Variants in MAML3 observed in about 807,000 individuals in gnomAD.
MAML3 encodes mastermind-like protein 3.
MAML3 carries 27 observed loss-of-function variants against 101.9 expected under a neutral mutation model. That is an observed-to-expected ratio of 0.27 (90% CI 0.20 to 0.37). MAML3 has a LOEUF of 0.37. Among genes scored for constraint, MAML3 ranks in the 10% least tolerant of loss-of-function variants. MAML3 has a pLI of 1.00. For missense variants in MAML3, 1,316 were observed against 1,444.9 expected (o/e 0.91, Z 1.45); for synonymous variants, 501 against 555.9 (o/e 0.90, Z 1.39).
chr4:139,903,863 T>G (rs1732771050), intron 1 of MAML3, among the ~76,000 whole-genome samples: 1 of 152,106 alleles, frequency 6.6e-6, no homozygotes, highest in Admixed American at 6.5e-5. Flanking sequence ...TGAACGGCCA[T>G]TACTCATTAG....
At chr4:140,023,940 G>C (rs1010762820) in intron 1 of MAML3, among the ~76,000 whole-genome samples, 2 of 152,162 alleles carry the variant, frequency 1.3e-5, no homozygotes, top group African/African-American at 4.8e-5. Flanking sequence ...AGTGTGGAAA[G>C]TACTACCTCT....
chr4:139,997,881 T>A (rs6536630), intron 1 of MAML3, among the ~76,000 whole-genome samples: 65,601 of 151,890 alleles, frequency 0.43, 15,556 homozygotes, highest in Non-Finnish European at 0.55. Flanking sequence ...TTCTTTTTTT[T>A]AAAAATGAGA....
chr4:139,815,522 T>A (rs1730878115), intron 2 of MAML3, among the ~76,000 whole-genome samples: 1 of 152,152 alleles, frequency 6.6e-6, no homozygotes, highest in Admixed American at 6.5e-5. Context: ...TTACAGATAA[T>A]AACTGGCAGA....
intron 1 of MAML3, among the ~76,000 whole-genome samples, chr4:140,049,054 A>C (rs187257360): frequency 6.6e-6 from 1 of 152,318 alleles, no homozygotes; most frequent in African/African-American, 2.4e-5. Context: ...GTCTTTATTC[A>C]GAGTTTGAGC....
At chr4:139,839,603 ATTGT>A (rs1423952046) in intron 2 of MAML3, among the ~76,000 whole-genome samples, 1 of 152,042 alleles carries the variant, frequency 6.6e-6, no homozygotes, top group Non-Finnish European at 1.5e-5. Context: ...CCCACCCTAC[ATTGT>A]TTGTTGAAAT....
chr4:140,055,430 G>A (rs1047558116), intron 1 of MAML3, among the ~76,000 whole-genome samples: 18 of 152,156 alleles, frequency 1.2e-4, no homozygotes, highest in African/African-American at 3.4e-4. Flanking sequence ...TTTGCTTATT[G>A]TTTTTGTTTA....
At chr4:139,849,811 T>C (rs577008614) in intron 2 of MAML3, among the ~76,000 whole-genome samples, 1 of 152,350 alleles carries the variant, frequency 6.6e-6, no homozygotes, top group African/African-American at 2.4e-5. Flanking sequence ...GCATGCTTCC[T>C]TGTAATGTTA....
chr4:139,878,776 G>C (rs913196268), intron 2 of MAML3, among the ~76,000 whole-genome samples: 2 of 152,218 alleles, frequency 1.3e-5, no homozygotes, highest in Admixed American at 1.3e-4. Context: ...ACGGAACACA[G>C]GGTTGTGGCT....
At chr4:139,779,631 A>G (rs7695171) in intron 2 of MAML3, among the ~76,000 whole-genome samples, 57,516 of 152,100 alleles carry the variant, frequency 0.38, 11,039 homozygotes, top group Non-Finnish European at 0.39. Flanking sequence ...ATCTGCCAGC[A>G]ATACACATGA....
At chr4:140,021,285 A>G (rs1468291590) in intron 1 of MAML3, among the ~76,000 whole-genome samples, 1 of 152,148 alleles carries the variant, frequency 6.6e-6, no homozygotes, top group African/African-American at 2.4e-5. Context: ...TTAATTTTCT[A>G]CCTTTTAGAA....
At chr4:140,094,838 A>G (rs1728129013) in intron 1 of MAML3, among the ~76,000 whole-genome samples, 1 of 152,192 alleles carries the variant, frequency 6.6e-6, no homozygotes, top group African/African-American at 2.4e-5. Flanking sequence ...TCTCTGTGTC[A>G]TGAAGTGTGC....
intron 2 of MAML3, among the ~76,000 whole-genome samples, chr4:139,738,711 T>C (rs775548089): frequency 6.6e-6 from 1 of 150,806 alleles, no homozygotes; most frequent in African/African-American, 2.4e-5. Flanking sequence ...GAAAAAAAGG[T>C]ACAGAGAAAA....
At chr4:139,893,676 G>A (rs975925544) in intron 1 of MAML3, among the ~76,000 whole-genome samples, 1 of 152,144 alleles carries the variant, frequency 6.6e-6, no homozygotes, top group Non-Finnish European at 1.5e-5. Context: ...TCCTGGTTTT[G>A]GGAGTGATAG....
chr4:139,828,141 T>C (rs1731096255), intron 2 of MAML3, among the ~76,000 whole-genome samples: 1 of 152,188 alleles, frequency 6.6e-6, no homozygotes, highest in Admixed American at 6.5e-5. Flanking sequence ...TTATAGTTAA[T>C]CATAAACCCA....
At chr4:139,932,155 ACAACAGGGACAGTAAC>A (rs1457894320) in intron 1 of MAML3, among the ~76,000 whole-genome samples, 2 of 135,304 alleles carry the variant, frequency 1.5e-5, no homozygotes, top group African/African-American at 6.0e-5. Context: ...CTTATTTTTC[ACAACAGGGACAGTAAC>A]TTTCTCCTCA....
At chr4:139,857,951 C>G (rs2111162191) in intron 2 of MAML3, among the ~76,000 whole-genome samples, 1 of 152,262 alleles carries the variant, frequency 6.6e-6, no homozygotes, top group South Asian at 2.1e-4. Flanking sequence ...CATATGCCAC[C>G]TAGCGTGGTC....
intron 1 of MAML3, among the ~76,000 whole-genome samples, chr4:140,053,381 A>C (rs1341939717): frequency 6.6e-6 from 1 of 152,254 alleles, no homozygotes; most frequent in Admixed American, 6.5e-5. Context: ...TGGCTTTCCC[A>C]TTCCCATCCG....
At chr4:140,020,549 A>T (rs1438270242) in intron 1 of MAML3, among the ~76,000 whole-genome samples, 1 of 152,194 alleles carries the variant, frequency 6.6e-6, no homozygotes, top group Non-Finnish European at 1.5e-5. Flanking sequence ...AATATATTAC[A>T]GAATAAAGAG....
rs993709278 is a variant in MAML3 at position 139,932,019 on chromosome 4, C to CA, written c.469-41053dup. On this transcript the variant is annotated intron_variant, in intron 1 of 4. Transcript: ENST00000509479. ...GGGCGATAAGAACAAAACTCTGTCT[C>CA]AAAAAAAAAAGTACTTTAGAAATAA... Among the ~76,000 whole-genome samples the CA allele has an allele frequency of 4.0e-4, 58 of 146,290 alleles. No homozygotes were observed. In the Middle Eastern group the frequency reaches 0.014, roughly 35 times the overall value.
Sources: gnomAD v4.1 joint callset for allele counts (sites outside exome capture counted in the v4.1 genomes callset) on GRCh38, gnomAD v4.1.1 for gene constraint, MANE v1.5 for transcripts, NCBI Gene and HGNC (gene_info 2026-07-23, HGNC 2026-07-21) for gene names.